SHROOM4: variants seen among roughly 807,000 people sequenced by gnomAD.
SHROOM4 encodes the protein shroom family member 4, also known as protein Shroom4.
SHROOM4 carries 17 observed loss-of-function variants against 80.3 expected under a neutral mutation model. The observed-to-expected ratio is 0.21, with a 90% CI of 0.14 to 0.32. The LOEUF (loss-of-function observed/expected upper bound fraction) is 0.32, where lower values mean the gene tolerates loss of function less well. SHROOM4 is among the 10% of genes least tolerant of loss of function. The probability of loss-of-function intolerance (pLI) is 1.00; values close to 1 mark genes in which losing one functional copy is unlikely to be tolerated. For synonymous variants in SHROOM4, 400 were observed against 437.5 expected, an observed-to-expected ratio of 0.91 and a Z score of 1.07; for missense variants, 993 against 1,140.3, an observed-to-expected ratio of 0.87 and a Z score of 1.86.
the SHROOM4 span, among the ~76,000 whole-genome samples, chrX:50,578,447 C>T: frequency 8.0e-5 from 9 of 111,870 alleles, no homozygotes; most frequent in African/African-American, 1.9e-4. Flanking sequence ...GCTGGGACTA[C>T]GGTGCGTGCC....
chrX:50,641,045 C>T (rs1931573555), intron 2 of SHROOM4, among the ~76,000 whole-genome samples: 1 of 112,616 alleles, frequency 8.9e-6, no homozygotes, highest in Non-Finnish European at 1.9e-5. Flanking sequence ...ACTGTTCCCT[C>T]TGCCTGGAAT....
chrX:50,766,658 G>T (rs1398436379), intron 1 of SHROOM4, among the ~76,000 whole-genome samples: 1 of 111,591 alleles, frequency 9.0e-6, no homozygotes, highest in African/African-American at 3.3e-5. Context: ...AGCTGTTGAG[G>T]AGTGGTAAAT....
intron 5 of SHROOM4, among the ~76,000 whole-genome samples, chrX:50,617,883 C>T (rs782163467): frequency 3.6e-5 from 4 of 111,442 alleles, no homozygotes; most frequent in Admixed American, 9.5e-5. Flanking sequence ...AAGACCAACT[C>T]CAGAAGGGGA....
chrX:50,603,010 G>T (rs1303955617), intron 6 of SHROOM4, among the ~76,000 whole-genome samples, 197 bp from the exon 7 acceptor site: 1 of 111,936 alleles, frequency 8.9e-6, no homozygotes, highest in Non-Finnish European at 1.9e-5. Context: ...TAAGAACTTA[G>T]AAGGCTATTT....
In SHROOM4 at chrX:50,625,094, C is replaced by T. The variant is rs1407082128; in HGVS notation, c.2957+2520G>A. Among the ~76,000 whole-genome samples the T allele has an allele frequency of 5.4e-5, 6 of 111,320 alleles. No homozygotes were observed. In the East Asian group the frequency reaches 1.7e-3, roughly 31 times the overall value. On this transcript the variant is annotated intron_variant, in intron 5 of 8. Coordinates refer to ENST00000376020, the MANE Select transcript of SHROOM4 (RefSeq NM_020717.5). ...CATGTAAAACATCTCGTGGGGAAAA[C>T]AGTTTGGTAAGATCTATGAAGAACC...
At chrX:50,598,234 C>G in intron 8 of SHROOM4, 32 bp downstream of exon 8, 1 of 1,210,260 alleles carries the variant, frequency 8.3e-7, no homozygotes, top group Non-Finnish European at 1.1e-6. Flanking sequence ...TGGTATTTCC[C>G]TCTACCCACA....
intron 1 of SHROOM4, among the ~76,000 whole-genome samples, chrX:50,696,253 C>T (rs1355845798): frequency 2.7e-5 from 3 of 111,866 alleles, no homozygotes; most frequent in Non-Finnish European, 5.6e-5. Flanking sequence ...AAAGCAGCAG[C>T]GTGGCCTACC....
chrX:50,746,267 A>T (rs1934771488), intron 1 of SHROOM4, among the ~76,000 whole-genome samples: 1 of 111,526 alleles, frequency 9.0e-6, no homozygotes. Context: ...CCCTCTGGTA[A>T]CCATTAATTA....
In SHROOM4 at chrX:50,737,841, G is replaced by A. The variant is rs990784919; in HGVS notation, c.118-41904C>T. Among the ~76,000 whole-genome samples, 8 of 111,474 alleles carry A rather than the reference G, an allele frequency of 7.2e-5. No homozygotes were observed. In the East Asian group the frequency reaches 1.1e-3, roughly 16 times the overall value. ...TAACTCATTTTATGAGGCCAGGATC[G>A]TCCTGATACCAAAGCCTTACTGAAA... On this transcript the variant is annotated intron_variant, in intron 1 of 8. Coordinates refer to ENST00000376020, the MANE Select transcript of SHROOM4 (RefSeq NM_020717.5).
intron 2 of SHROOM4, among the ~76,000 whole-genome samples, chrX:50,666,080 T>G (rs1166233420): frequency 8.9e-6 from 1 of 111,951 alleles, no homozygotes; most frequent in Non-Finnish European, 1.9e-5. Context: ...ACAGGGAAAA[T>G]AGATGGGATC....
chrX:50,787,964 C>T (rs1462363333), intron 1 of SHROOM4, among the ~76,000 whole-genome samples: 1 of 111,400 alleles, frequency 9.0e-6, no homozygotes, highest in Non-Finnish European at 1.9e-5. Context: ...AATGAAAGAA[C>T]ATAAAATAAT....
At chrX:50,801,290 G>GAGAGAGAGA (rs1228065329) in intron 1 of SHROOM4, among the ~76,000 whole-genome samples, 1 of 106,730 alleles carries the variant, frequency 9.4e-6, no homozygotes, top group Non-Finnish European at 1.9e-5. Flanking sequence ...GAGAGAGAGA[G>GAGAGAGAGA]AACACGTACT....
rs782259648 is a variant in SHROOM4 at position 50,607,373 on chromosome X, G to A, written c.3761+8C>T. 62 of 1,210,245 alleles carry A rather than the reference G, an allele frequency of 5.1e-5. No individual in the cohort carries two copies. Among genetic ancestry groups the A allele is most frequent in the Non-Finnish European group, 6.7e-5 (60 of 894,832 alleles). ...TTCAGAGACCTAGTATCTTTCATAT[G>A]TACTTACTTGGCGGATTCAGTGGCT... is the stretch of plus-strand genomic sequence containing the variant. On this transcript the variant is annotated splice_region_variant and intron_variant, in intron 6 of 8. Coordinates refer to ENST00000376020, the MANE Select transcript of SHROOM4 (RefSeq NM_020717.5).
rs1557273818 is a variant in SHROOM4, at chrX:50,814,077, C to T, written c.-59G>A. ...TTCCGAGGGGGCTACGTTGCCTCCG[C>T]CCCCAGCAGCTCCGCCACCATCGCC... On this transcript the variant is annotated 5_prime_UTR_variant, in exon 1 of 9. Transcript: ENST00000376020. The T allele has an allele frequency of 5.0e-6, 4 of 802,840 alleles. No individual in the cohort carries two copies. Among genetic ancestry groups the T allele is most frequent in the Admixed American group, 4.8e-5 (2 of 41,887 alleles). The allele number at this position is 802,840 out of a possible 1,213,427, so 66.2% of individuals were successfully genotyped here.
intron 5 of SHROOM4, among the ~76,000 whole-genome samples, chrX:50,626,902 C>A (rs1930827621): frequency 9.0e-6 from 1 of 111,505 alleles, no homozygotes; most frequent in Non-Finnish European, 1.9e-5. Flanking sequence ...CAGAAAAAGG[C>A]AGGACCTATA....
chrX:50,578,496 AG>A, the SHROOM4 span, among the ~76,000 whole-genome samples: 2 of 111,276 alleles, frequency 1.8e-5, no homozygotes, highest in African/African-American at 3.3e-5. Context: ...TAGTAGAAAC[AG>A]GGTTTCACCG....
intron 5 of SHROOM4, among the ~76,000 whole-genome samples, chrX:50,626,678 C>T (rs1201970704): frequency 3.6e-5 from 4 of 111,761 alleles, no homozygotes; most frequent in Admixed American, 9.5e-5. Flanking sequence ...TGAGACCCAC[C>T]GCCCCAGTTA....
chrX:50,661,994 C>T (rs143462602), intron 2 of SHROOM4, among the ~76,000 whole-genome samples: 2,459 of 110,353 alleles, frequency 0.022, 39 homozygotes, highest in Non-Finnish European at 0.034. Context: ...TCCCCACACC[C>T]GCAGCATCAG....
intron 1 of SHROOM4, among the ~76,000 whole-genome samples, chrX:50,783,431 T>C (rs1557270802): frequency 8.9e-6 from 1 of 112,057 alleles, no homozygotes; most frequent in Non-Finnish European, 1.9e-5. Context: ...AAGATTTAAA[T>C]AAATGGAGAG....
Sources: allele counts gnomAD v4.1 joint callset (sites outside exome capture counted in the v4.1 genomes callset), GRCh38; gene constraint gnomAD v4.1.1; transcripts MANE v1.5; gene names NCBI Gene and HGNC (gene_info 2026-07-23, HGNC 2026-07-21).